SCAPER: variants seen among roughly 807,000 people sequenced by gnomAD.
SCAPER encodes S phase cyclin A-associated protein in the endoplasmic reticulum.
In SCAPER, 98 loss-of-function variants were observed where a neutral mutation model predicts 182.2. The observed-to-expected ratio is 0.54, with a 90% CI of 0.46 to 0.64. SCAPER has a LOEUF of 0.64. Ranked by LOEUF, SCAPER falls within the 30% of genes least tolerant of loss-of-function variation. SCAPER has a pLI of 0.00. For synonymous variants in SCAPER, 605 were observed against 564.6 expected (o/e 1.07, Z -1.01); for missense variants, 1,432 against 1,690.0 (o/e 0.85, Z 2.68).
chr15:76,775,031 A>G lies in SCAPER; in HGVS notation c.859T>C (p.Leu287=), dbSNP rs768488420. 5 of 1,613,728 alleles carry G rather than the reference A, an allele frequency of 3.1e-6. No homozygotes were observed. The highest frequency in any genetic ancestry group is 2.2e-5 in the South Asian group (2 of 91,080). Residue 287 remains leucine, a synonymous_variant, in exon 9 of 32, where the codon TTG becomes CTG. Transcript: ENST00000563290. ...RSTAVMPKVS[L]ATEATRSKDD... is the part of the protein sequence containing the mutation. Reference sequence around the variant, plus strand: ...TTTGATCTTGTGGCTTCTGTTGCCAATGAAACTTTTGGCATCACTGCTGTT... The same window carrying G: ...TTTGATCTTGTGGCTTCTGTTGCCAGTGAAACTTTTGGCATCACTGCTGTT...
Position 76,354,980 on chromosome 15 carries a change from A to T in SCAPER, c.3856-840T>A, listed in dbSNP as rs954704782. Among the ~76,000 whole-genome samples the T allele has an allele frequency of 1.3e-5, 2 of 152,252 alleles. No individual in the cohort carries two copies. Among genetic ancestry groups the T allele is most frequent in the African/African-American group, 4.8e-5 (2 of 41,476 alleles). The stretch of plus-strand genomic sequence containing the variant: ...TGACCCAAAGCCCACTTCGTGGTAT[A>T]GGAGGAAGCTCCTAGATGGTTGGGA... On this transcript the variant is annotated intron_variant, in intron 29 of 31. Transcript: ENST00000563290. This position sits in a 1 kb window ranked among gnomAD's most constrained non-coding sequence, Gnocchi z 4.4.
intron 25 of SCAPER, among the ~76,000 whole-genome samples, chr15:76,436,978 G>A (rs1406422752): frequency 1.3e-5 from 2 of 152,142 alleles, no homozygotes; most frequent in Non-Finnish European, 2.9e-5. Context: ...CATTTTCAGA[G>A]GTTCACTGGA....
intron 20 of SCAPER, among the ~76,000 whole-genome samples, chr15:76,700,778 A>G (rs915338392): frequency 2.6e-5 from 4 of 152,212 alleles, no homozygotes; most frequent in African/African-American, 9.7e-5. Context: ...TAAGAAGAAT[A>G]ACTACAGCTT....
intron 26 of SCAPER, among the ~76,000 whole-genome samples, chr15:76,421,762 A>C (rs1596530956): frequency 2.0e-5 from 3 of 152,318 alleles, no homozygotes; most frequent in Admixed American, 6.5e-5. Flanking sequence ...TAGGTCTAAC[A>C]TGTAAGTCTT....
At chr15:76,742,279 T>C (rs1437269823) in intron 15 of SCAPER, among the ~76,000 whole-genome samples, 3 of 150,918 alleles carry the variant, frequency 2.0e-5, no homozygotes, top group African/African-American at 7.3e-5. Context: ...TCTCAGAAAT[T>C]TGGGGATTTA....
chr15:76,680,330 TATATTA>T (rs2057621320), intron 20 of SCAPER, among the ~76,000 whole-genome samples: 1 of 151,588 alleles, frequency 6.6e-6, no homozygotes, highest in East Asian at 1.9e-4. Context: ...CTGAAATGGC[TATATTA>T]ATATTAAACC....
intron 1 of SCAPER, among the ~76,000 whole-genome samples, chr15:76,897,508 C>T (rs2074504016): frequency 6.6e-6 from 1 of 151,992 alleles, no homozygotes; most frequent in Non-Finnish European, 1.5e-5. Context: ...GGGTTCAAGA[C>T]CAGCCTGGAC....
At chr15:76,772,393 A>G (rs1395667197) in intron 9 of SCAPER, among the ~76,000 whole-genome samples, 6 of 151,984 alleles carry the variant, frequency 3.9e-5, no homozygotes, top group African/African-American at 1.4e-4. Flanking sequence ...TTTTGAAAAA[A>G]TCCTGAAACC....
At chr15:76,627,364 T>TG (rs1335938159) in intron 21 of SCAPER, among the ~76,000 whole-genome samples, 2 of 152,050 alleles carry the variant, frequency 1.3e-5, no homozygotes, top group Non-Finnish European at 2.9e-5. Context: ...TTTTTTTCCA[T>TG]GGGGGTGCAC....
intron 20 of SCAPER, among the ~76,000 whole-genome samples, chr15:76,700,635 G>A (rs961596412): frequency 3.3e-5 from 5 of 152,100 alleles, no homozygotes; most frequent in African/African-American, 1.2e-4. Context: ...AGTGGGAGAT[G>A]CTCTTCCTGG....
At chr15:76,659,253 T>C (rs1405286821) in intron 21 of SCAPER, among the ~76,000 whole-genome samples, 4 of 152,036 alleles carry the variant, frequency 2.6e-5, no homozygotes, top group Admixed American at 6.6e-5. Flanking sequence ...CATTAAAAAG[T>C]GGGCAAAGAA....
chr15:76,535,339 C>G (rs1266452438), intron 23 of SCAPER, among the ~76,000 whole-genome samples: 2 of 151,182 alleles, frequency 1.3e-5, no homozygotes, highest in African/African-American at 4.9e-5. Context: ...CTGGCTAACA[C>G]GGTGAGACCC....
chr15:76,387,863 G>A (rs995299491), intron 27 of SCAPER, among the ~76,000 whole-genome samples: 5 of 152,220 alleles, frequency 3.3e-5, no homozygotes, highest in Admixed American at 1.3e-4. Context: ...GTAAGTAACA[G>A]GGAATGGAAT....
chr15:76,824,901 G>C (rs961546268), intron 5 of SCAPER, among the ~76,000 whole-genome samples: 1 of 152,136 alleles, frequency 6.6e-6, no homozygotes. Flanking sequence ...CCTGGGTAGT[G>C]ATACAAATAT....
Position 76,890,353 on chromosome 15 carries a change from C to T in SCAPER, c.-59-6477G>A, listed in dbSNP as rs537806608. Among the ~76,000 whole-genome samples, 39 of 152,104 alleles carry T rather than the reference C, an allele frequency of 2.6e-4. 1 individual carries two copies. In the South Asian group the frequency reaches 8.1e-3, roughly 32 times the overall value. On this transcript the variant is annotated intron_variant, in intron 1 of 31. Coordinates refer to ENST00000563290, the MANE Select transcript of SCAPER (RefSeq NM_020843.4). Reference sequence around the variant, plus strand: ...TGAAGGAAATAGAGACACAAAAAACCCTTCAAAAAATAAATGAATCCAGGA... The same window carrying T: ...TGAAGGAAATAGAGACACAAAAAACTCTTCAAAAAATAAATGAATCCAGGA...
chr15:76,886,429 A>C (rs1282332961), intron 1 of SCAPER, among the ~76,000 whole-genome samples: 1 of 152,142 alleles, frequency 6.6e-6, no homozygotes, highest in East Asian at 1.9e-4. Flanking sequence ...GCAGTGAGCC[A>C]AGGTTGTGCC....
chr15:76,726,198 T>C (rs1414558797), intron 17 of SCAPER, among the ~76,000 whole-genome samples: 2 of 124,628 alleles, frequency 1.6e-5, no homozygotes, highest in Admixed American at 8.9e-5. Flanking sequence ...GATTAAAAAA[T>C]AGGCAAAGGA....
intron 2 of SCAPER, among the ~76,000 whole-genome samples, chr15:76,864,335 G>A (rs113318014): frequency 1.7e-4 from 26 of 152,274 alleles, no homozygotes; most frequent in African/African-American, 6.3e-4. Flanking sequence ...TACACATAAA[G>A]TAGTTTCAAA....
chr15:76,723,124 TTG>T (rs1460033392), intron 17 of SCAPER, among the ~76,000 whole-genome samples: 1 of 152,252 alleles, frequency 6.6e-6, no homozygotes, highest in Non-Finnish European at 1.5e-5. Flanking sequence ...TTTTGGTATG[TTG>T]TGTCTTTGTT....
Sources: gnomAD v4.1 joint callset for allele counts (sites outside exome capture counted in the v4.1 genomes callset) on GRCh38, gnomAD v4.1.1 for gene constraint, Gnocchi (gnomAD v3.1) non-coding constraint, MANE v1.5 for transcripts, NCBI Gene and HGNC (gene_info 2026-07-23, HGNC 2026-07-21) for gene names.